COL23A1: variants seen among roughly 807,000 people sequenced by gnomAD.
COL23A1 encodes collagen type XXIII alpha 1 chain, also known as collagen alpha-1(XXIII) chain.
In COL23A1, 97 loss-of-function variants were observed where a neutral mutation model predicts 99.3. The ratio of observed to expected loss-of-function variants is 0.98; its 90% CI spans 0.83 to 1.16. COL23A1 has a LOEUF of 1.16. Among genes scored for constraint, COL23A1 ranks in the 50% most tolerant of loss-of-function variants. The probability of loss-of-function intolerance (pLI) is 0.00; values close to 1 mark genes in which losing one functional copy is unlikely to be tolerated. For missense variants in COL23A1, 762 were observed against 757.4 expected (o/e 1.01, Z -0.07); for synonymous variants, 320 against 308.2 (o/e 1.04, Z -0.40).
chr5:178,577,494 G>A (rs1022505207), intron 1 of COL23A1, among the ~76,000 whole-genome samples: 3 of 152,234 alleles, frequency 2.0e-5, no homozygotes, highest in Non-Finnish European at 4.4e-5. Flanking sequence ...GGGAAGCTCA[G>A]GCACTCACCG....
intron 2 of COL23A1, among the ~76,000 whole-genome samples, chr5:178,360,917 A>T (rs1264702168): frequency 1.3e-5 from 2 of 151,722 alleles, no homozygotes; most frequent in African/African-American, 4.8e-5. Context: ...TGTGGGCTTT[A>T]TCAGGCCAAC....
At chr5:178,381,973 C>T (rs1281917141) in intron 2 of COL23A1, among the ~76,000 whole-genome samples, 1 of 152,206 alleles carries the variant, frequency 6.6e-6, no homozygotes, top group East Asian at 1.9e-4. Context: ...CCTGTGCCCC[C>T]TCCGGTGGGA....
intron 2 of COL23A1, among the ~76,000 whole-genome samples, chr5:178,356,360 A>G (rs944812946): frequency 5.6e-5 from 8 of 141,838 alleles, no homozygotes; most frequent in South Asian, 2.5e-4. Context: ...TGTGAACTGT[A>G]TATCAATAAA....
chr5:178,473,791 A>T (rs899737689), intron 2 of COL23A1, among the ~76,000 whole-genome samples: 1 of 152,148 alleles, frequency 6.6e-6, no homozygotes, highest in Non-Finnish European at 1.5e-5. Context: ...ATGAACGCTG[A>T]CACTGTCATC....
chr5:178,329,714 G>A (rs184930570), intron 2 of COL23A1, among the ~76,000 whole-genome samples: 100 of 152,266 alleles, frequency 6.6e-4, no homozygotes, highest in Non-Finnish European at 1.3e-3. Context: ...CGAGGCAGGC[G>A]GATCATGAGG....
chr5:178,242,457 G>A, intron 25 of COL23A1, 63 bp from the exon 26 acceptor site: 1 of 1,533,332 alleles, frequency 6.5e-7, no homozygotes, highest in Non-Finnish European at 9.0e-7. Flanking sequence ...TCTGTTACCG[G>A]CTCATCTCTG....
chr5:178,330,356 C>G (rs955586363), intron 2 of COL23A1, among the ~76,000 whole-genome samples: 2 of 152,220 alleles, frequency 1.3e-5, no homozygotes, highest in Admixed American at 6.5e-5. Context: ...CCTCTGCACA[C>G]GGGTGCAGAT....
At chr5:178,375,876 T>G (rs1170008779) in intron 2 of COL23A1, among the ~76,000 whole-genome samples, 1 of 152,136 alleles carries the variant, frequency 6.6e-6, no homozygotes, top group African/African-American at 2.4e-5. Context: ...TCTGGCTAAT[T>G]TTTGTATTTT....
intron 11 of COL23A1, 134 bp downstream of exon 11, chr5:178,261,588 C>G: frequency 1.5e-6 from 1 of 675,816 alleles, no homozygotes; most frequent in Non-Finnish European, 2.7e-6. Context: ...GCCCATGGTC[C>G]AGGAATTTGA....
At position 178,583,134 on chromosome 5, in the gene COL23A1, C is replaced by T. The variant is rs190310303; in HGVS notation, c.294+6770G>A. 2.9e-4 allele frequency among the ~76,000 whole-genome samples: 44 copies of T among 152,352 alleles called. 1 individual carries two copies. The East Asian group carries it at 5.4e-3, about 19-fold the overall frequency. ...TTAGGATTTGAAGTAACTTGTAAAGCTGACATTTTGTAAGCACAGTATATA... is the reference window on the plus strand; with the variant it reads ...TTAGGATTTGAAGTAACTTGTAAAGTTGACATTTTGTAAGCACAGTATATA... On this transcript the variant is annotated intron_variant, in intron 1 of 28. Transcript: ENST00000390654.
At chr5:178,270,068 C>T (rs1756199624) in intron 6 of COL23A1, among the ~76,000 whole-genome samples, 1 of 152,186 alleles carries the variant, frequency 6.6e-6, no homozygotes, top group Non-Finnish European at 1.5e-5. Context: ...CACAGTTTTC[C>T]ATAGGTCCAC....
chr5:178,443,905 G>T (rs1266422837), intron 2 of COL23A1, among the ~76,000 whole-genome samples: 1 of 152,014 alleles, frequency 6.6e-6, no homozygotes, highest in African/African-American at 2.4e-5. Flanking sequence ...ATTATGTTAA[G>T]ATATAAAGAA....
rs70997608 is a variant in COL23A1 at position 178,523,163 on chromosome 5, C to CATATATATATAT, written c.361+37507_361+37518dup. Among the ~76,000 whole-genome samples, 11 of 95,562 alleles carry CATATATATATAT rather than the reference C, an allele frequency of 1.2e-4. 1 individual carries two copies. The highest frequency in any genetic ancestry group is 4.2e-4 in the Admixed American group (3 of 7,212). 62.7% of individuals were successfully genotyped at this position (95,562 alleles called of 152,430 possible). Reference sequence around the variant, plus strand: ...TTAAAAATATATATATATATATATACATATATATATATATACACATATATA... The same window carrying CATATATATATAT: ...TTAAAAATATATATATATATATATACATATATATATATATATATATATATATACACATATATA... On this transcript the variant is annotated intron_variant, in intron 2 of 28. Transcript: ENST00000390654.
In COL23A1 at chr5:178,467,033, C is replaced by T. The variant is rs10041736; in HGVS notation, c.361+93649G>A. The stretch of plus-strand genomic sequence containing the variant: ...AAGTGACATTATATGTATATATATA[C>T]GTAAAATGCCGTGGCAGCACATACA... On this transcript the variant is annotated intron_variant, in intron 2 of 28. Transcript: ENST00000390654. 1.2e-3 allele frequency among the ~76,000 whole-genome samples: 190 copies of T among 152,302 alleles called. 2 individuals carry two copies. The highest frequency in any genetic ancestry group is 3.7e-3 in the African/African-American group (155 of 41,568).
intron 2 of COL23A1, among the ~76,000 whole-genome samples, chr5:178,449,551 C>A (rs1439695203): frequency 2.6e-5 from 4 of 152,022 alleles, no homozygotes; most frequent in Admixed American, 6.6e-5. Flanking sequence ...CCCCCACCCC[C>A]CTAAATGAAG....
At chr5:178,491,661 G>A (rs777124396) in intron 2 of COL23A1, among the ~76,000 whole-genome samples, 7 of 152,098 alleles carry the variant, frequency 4.6e-5, no homozygotes, top group Non-Finnish European at 8.8e-5. Flanking sequence ...GAGATTCCAC[G>A]TCCCCTCGAA....
At chr5:178,322,150 G>A (rs578216375) in intron 2 of COL23A1, among the ~76,000 whole-genome samples, 6 of 151,966 alleles carry the variant, frequency 3.9e-5, no homozygotes, top group African/African-American at 7.2e-5. Context: ...CCGCCAGCAC[G>A]CCCAGTTAAT....
chr5:178,421,483 C>T (rs956723000), intron 2 of COL23A1, among the ~76,000 whole-genome samples: 11 of 152,192 alleles, frequency 7.2e-5, no homozygotes, highest in African/African-American at 2.7e-4. Flanking sequence ...ACCCACTCCA[C>T]ACCATCAAAG....
Position 178,384,697 on chromosome 5 carries a change from G to A in COL23A1, c.362-77778C>T, listed in dbSNP as rs1478263256. 3.3e-5 allele frequency among the ~76,000 whole-genome samples: 5 copies of A among 152,148 alleles called. No individual in the cohort carries two copies. In the East Asian group the frequency reaches 7.7e-4, roughly 23 times the overall value. On this transcript the variant is annotated intron_variant, in intron 2 of 28. Transcript: ENST00000390654. This position sits in a 1 kb window ranked among gnomAD's most constrained non-coding sequence, Gnocchi z 5.5. ...GTTTCAGAGCCAGAAGCCTCCTGGG[G>A]GCCTCACCCACTGAATCAGAGTGCG...
Sources: allele counts gnomAD v4.1 joint callset (sites outside exome capture counted in the v4.1 genomes callset), GRCh38; gene constraint gnomAD v4.1.1; non-coding constraint Gnocchi (gnomAD v3.1); transcripts MANE v1.5; gene names NCBI Gene and HGNC (gene_info 2026-07-23, HGNC 2026-07-21).